MYO18B: variants seen among roughly 807,000 people sequenced by gnomAD.
The protein encoded by MYO18B is unconventional myosin-XVIIIb.
A neutral mutation model predicts 273.0 loss-of-function variants in MYO18B; 204 were observed. The ratio of observed to expected loss-of-function variants is 0.75; its 90% confidence interval spans 0.67 to 0.84. MYO18B has a LOEUF of 0.84. MYO18B is among the 40% of genes least tolerant of loss of function. MYO18B has a pLI of 0.00. For synonymous variants in MYO18B, 1,330 were observed against 1,305.7 expected (o/e 1.02, Z -0.40); for missense variants, 3,212 against 3,287.6 (o/e 0.98, Z 0.56).
In MYO18B at chr22:25,903,806, A is replaced by C. The variant is rs2091986247; in HGVS notation, c.5123A>C (p.Glu1708Ala). Residue 1708 changes from glutamate to alanine, a missense_variant, in exon 31 of 44, where the codon GAA (glutamate) becomes GCA (alanine). Glu to Ala is a moderately radical substitution (Grantham distance 107). Coordinates refer to ENST00000335473, the MANE Select transcript of MYO18B (RefSeq NM_032608.7). ...LEQQKIQSQQ[E>A]NTIKQLEQLR... ...CAACAGAAAATCCAGAGCCAGCAGG[A>C]AAACACCATCAAGCAGCTGGAGCAG... is the stretch of plus-strand genomic sequence containing the variant. 1.9e-6 allele frequency: 3 copies of C among 1,601,850 alleles called. No individual in the cohort carries two copies. Among genetic ancestry groups the C allele is most frequent in the Non-Finnish European group, 2.6e-6 (3 of 1,174,406 alleles).
chr22:25,830,102 T>C (rs943918349), intron 15 of MYO18B, among the ~76,000 whole-genome samples: 3 of 152,092 alleles, frequency 2.0e-5, no homozygotes, highest in Middle Eastern at 3.2e-3. Context: ...TAATATAGAA[T>C]AATAGGTATT....
intron 17 of MYO18B, among the ~76,000 whole-genome samples, chr22:25,839,103 C>A (rs774828912): frequency 2.2e-5 from 3 of 137,144 alleles, no homozygotes; most frequent in Non-Finnish European, 4.8e-5. Context: ...TACGTGTGTG[C>A]GTGTGTGTAT....
chr22:25,752,675 T>TA (rs2085969591), intron 1 of MYO18B, among the ~76,000 whole-genome samples: 1 of 151,850 alleles, frequency 6.6e-6, no homozygotes, highest in Non-Finnish European at 1.5e-5. Flanking sequence ...AAAATTTTTT[T>TA]AGACATGGGG....
intron 1 of MYO18B, among the ~76,000 whole-genome samples, chr22:25,754,281 G>A (rs1214674751): frequency 2.0e-5 from 3 of 152,186 alleles, no homozygotes; most frequent in Non-Finnish European, 2.9e-5. Context: ...CATGTGCAAA[G>A]TTCTTGAGGT....
At chr22:26,033,296 C>G (rs1472006450), downstream of MYO18B, among the ~76,000 whole-genome samples, 1 of 152,212 alleles carries the variant, frequency 6.6e-6, no homozygotes, top group East Asian at 1.9e-4. Flanking sequence ...AGTGAGCAGG[C>G]AGAGTCACCC....
rs967094871 is a variant in MYO18B at position 25,946,165 on chromosome 22, A to T, written c.5546A>T (p.Glu1849Val). The T allele has an allele frequency of 6.4e-7, 1 of 1,564,686 alleles. No individual in the cohort carries two copies. Among genetic ancestry groups the T allele is most frequent in the African/African-American group, 1.5e-5 (1 of 68,526 alleles). The change falls in exon 35 of 44, where the codon GAG becomes GTG. Residue 1849 changes from glutamate (E) to valine (V), a missense_variant. Glu to Val is a moderately radical substitution (Grantham distance 121, BLOSUM62 -2). Coordinates refer to ENST00000335473, the MANE Select transcript of MYO18B (RefSeq NM_032608.7). Reference protein sequence around the residue: ...QLEQSEAKCEEALKTQKVLTA... With the variant: ...QLEQSEAKCEVALKTQKVLTA... ...GAGCAGAGTGAAGCCAAGTGTGAGG[A>T]GGCCTTGAAGACGCAGAAGGTGCTC... is the stretch of plus-strand genomic sequence containing the variant.
chr22:26,041,153 C>CTT, the MYO18B span, among the ~76,000 whole-genome samples: 14,885 of 151,246 alleles, frequency 0.098, 847 homozygotes, highest in Middle Eastern at 0.17. Flanking sequence ...CTTTTAGAGC[C>CTT]TTTTTTTTCC....
rs902578103 is a variant in MYO18B at position 25,976,999 on chromosome 22, C to G, written c.6157-15364C>G. Among the ~76,000 whole-genome samples, 8 of 152,222 alleles carry G rather than the reference C, an allele frequency of 5.3e-5. No homozygotes were observed. In the South Asian group the frequency reaches 8.3e-4, roughly 16 times the overall value. On this transcript the variant is annotated intron_variant, in intron 39 of 43. Coordinates refer to ENST00000335473, the MANE Select transcript of MYO18B (RefSeq NM_032608.7). Reference sequence around the variant, plus strand: ...TCAGCTCTTTACAGTTTACAAAGCACCTGAATGTAACTTGGGCTGCACGAT... The same window carrying G: ...TCAGCTCTTTACAGTTTACAAAGCAGCTGAATGTAACTTGGGCTGCACGAT...
intron 34 of MYO18B, among the ~76,000 whole-genome samples, chr22:25,921,748 A>C (rs921009322): frequency 2.0e-5 from 2 of 99,928 alleles, no homozygotes; most frequent in Non-Finnish European, 4.3e-5. Context: ...GTGTATGTGT[A>C]TGTGTGTATG....
chr22:25,869,469 AAAAAG>A (rs1200035951), intron 22 of MYO18B, among the ~76,000 whole-genome samples: 3,276 of 143,534 alleles, frequency 0.023, 50 homozygotes, highest in East Asian at 0.082. Context: ...AAAAAAAAAA[AAAAAG>A]AAGGAAGGAA....
At chr22:26,053,154 C>T in the MYO18B span, among the ~76,000 whole-genome samples, 3 of 152,146 alleles carry the variant, frequency 2.0e-5, no homozygotes, top group African/African-American at 7.2e-5. Flanking sequence ...CTTTTAGTGC[C>T]TTTTGGCTGC....
At chr22:25,743,005 G>A (rs2085673460) in intron 1 of MYO18B, among the ~76,000 whole-genome samples, 1 of 152,252 alleles carries the variant, frequency 6.6e-6, no homozygotes. Context: ...TCCCAGGAGA[G>A]GAGAAGACCT....
chr22:26,062,132 T>G, the MYO18B span, among the ~76,000 whole-genome samples: 2 of 152,198 alleles, frequency 1.3e-5, no homozygotes, highest in Non-Finnish European at 2.9e-5. Flanking sequence ...TCTGTCCAGA[T>G]TCCATCTTTC....
intron 34 of MYO18B, among the ~76,000 whole-genome samples, chr22:25,940,427 C>A (rs2092630757): frequency 6.6e-6 from 1 of 152,194 alleles, no homozygotes. Context: ...GTCCAGTATA[C>A]CTCTTTCCTT....
the MYO18B span, among the ~76,000 whole-genome samples, chr22:26,056,916 G>A: frequency 4.6e-5 from 7 of 152,112 alleles, no homozygotes; most frequent in Admixed American, 6.5e-5. Flanking sequence ...ATTTTAAGTC[G>A]GTAATTGGCC....
At position 25,941,884 on chromosome 22, in the gene MYO18B, G is replaced by T. The variant is rs1249655864; in HGVS notation, c.5518-4253G>T. On this transcript the variant is annotated intron_variant, in intron 34 of 43. Coordinates refer to ENST00000335473, the MANE Select transcript of MYO18B (RefSeq NM_032608.7). ...CAGGAAGGCTAAAATTCCTCAAGAT[G>T]GTCAGTGCTGAGGCCCTGCTTATCC... Among the ~76,000 whole-genome samples the T allele has an allele frequency of 2.0e-5, 3 of 152,178 alleles. No homozygotes were observed. In the East Asian group the frequency reaches 5.8e-4, roughly 29 times the overall value.
intron 12 of MYO18B, among the ~76,000 whole-genome samples, chr22:25,800,526 G>A (rs2088146270): frequency 6.6e-6 from 1 of 152,232 alleles, no homozygotes; most frequent in Admixed American, 6.5e-5. Context: ...CAGGGAAATG[G>A]GAAAATGACA....
At chr22:25,795,799 C>T (rs1254113235) in intron 11 of MYO18B, among the ~76,000 whole-genome samples, 6 of 152,100 alleles carry the variant, frequency 3.9e-5, no homozygotes, top group Non-Finnish European at 8.8e-5. Context: ...TTGACGTCGT[C>T]CCAATTGGTT....
chr22:25,922,895 A>C (rs757546391), intron 34 of MYO18B, among the ~76,000 whole-genome samples: 1 of 152,146 alleles, frequency 6.6e-6, no homozygotes. Flanking sequence ...CTCAACCAAA[A>C]CAAAACAAAA....
Sources: allele counts gnomAD v4.1 joint callset (sites outside exome capture counted in the v4.1 genomes callset), GRCh38; gene constraint gnomAD v4.1.1; transcripts MANE v1.5; gene names NCBI Gene and HGNC (gene_info 2026-07-23, HGNC 2026-07-21).